Variants in IL20RA observed in about 807,000 individuals in gnomAD.
IL20RA encodes the protein interleukin-20 receptor subunit alpha.
IL20RA carries 29 observed loss-of-function variants against 36.5 expected under a neutral mutation model. The observed-to-expected ratio is 0.79, with a 90% CI of 0.59 to 1.08. IL20RA has a LOEUF of 1.08. Among genes scored for constraint, IL20RA ranks in the 50% least tolerant of loss-of-function variants. The probability of loss-of-function intolerance (pLI) is 0.00; values close to 1 mark genes in which losing one functional copy is unlikely to be tolerated. For synonymous variants in IL20RA, 279 were observed against 267.1 expected (o/e 1.04, Z -0.43); for missense variants, 652 against 668.4 (o/e 0.98, Z 0.27).
At chr6:137,040,150 A>G (rs1284424214) in intron 1 of IL20RA, among the ~76,000 whole-genome samples, 1 of 152,194 alleles carries the variant, frequency 6.6e-6, no homozygotes, top group African/African-American at 2.4e-5. Context: ...AGATAATGAC[A>G]TCTGGGTTTC....
intron 1 of IL20RA, among the ~76,000 whole-genome samples, chr6:137,024,887 A>T (rs926708893): frequency 1.3e-5 from 2 of 152,212 alleles, no homozygotes; most frequent in Non-Finnish European, 2.9e-5. Flanking sequence ...GAGGAAGCAG[A>T]ACTCAGAAGA....
intron 1 of IL20RA, chr6:137,042,786 T>C (rs1173596882): frequency 1.3e-5 from 2 of 152,154 alleles, no homozygotes; most frequent in East Asian, 3.9e-4. Context: ...TTAATCTACC[T>C]GAGAGTGGCA....
At position 137,001,603 on chromosome 6, in the gene IL20RA, C is replaced by G; in HGVS notation, c.1617G>C (p.Met539Ile). Residue 539 changes from methionine (M) to isoleucine (I), a missense_variant, in exon 7 of 7, where the codon ATG becomes ATC. Met to Ile is a conservative substitution (Grantham distance 10). Transcript: ENST00000316649. ...RPPGENETYL[M>I]QFMEEWGLYV... ...ATAACCCCCATTCCTCCATGAATTG[C>G]ATGAGATAGGTTTCATTTTCTCCTG... 1 of 1,603,372 alleles carries G rather than the reference C, an allele frequency of 6.2e-7. No homozygotes were observed. Among genetic ancestry groups the G allele is most frequent in the Non-Finnish European group, 8.5e-7 (1 of 1,174,986 alleles).
intron 4 of IL20RA, chr6:137,008,994 C>T: frequency 4.0e-6 from 2 of 499,426 alleles, no homozygotes; most frequent in Admixed American, 3.7e-5. Context: ...AGTTCTTATT[C>T]ATTGTCCTGG....
At chr6:137,037,508 G>A (rs778524782) in intron 1 of IL20RA, among the ~76,000 whole-genome samples, 38 of 152,256 alleles carry the variant, frequency 2.5e-4, no homozygotes, top group African/African-American at 9.1e-4. Context: ...GAAATTCTGA[G>A]TTTGAATGAG....
intron 1 of IL20RA, among the ~76,000 whole-genome samples, chr6:137,023,532 G>A (rs1024758836): frequency 1.3e-5 from 2 of 152,202 alleles, no homozygotes; most frequent in African/African-American, 4.8e-5. Context: ...AGAAAAGACT[G>A]TATAGACCAA....
intron 1 of IL20RA, among the ~76,000 whole-genome samples, chr6:137,020,468 T>A (rs1267373330): frequency 1.4e-5 from 2 of 144,942 alleles, no homozygotes; most frequent in African/African-American, 2.5e-5. Context: ...ACTGAAAGCA[T>A]CTAAGACAGA....
At chr6:137,027,343 A>G (rs1386163811) in intron 1 of IL20RA, among the ~76,000 whole-genome samples, 1 of 152,106 alleles carries the variant, frequency 6.6e-6, no homozygotes, top group African/African-American at 2.4e-5. Flanking sequence ...CCTCACTATT[A>G]TTTCTCTGAC....
At chr6:137,011,660 C>T (rs965167362) in intron 2 of IL20RA, among the ~76,000 whole-genome samples, 1 of 152,154 alleles carries the variant, frequency 6.6e-6, no homozygotes, top group Non-Finnish European at 1.5e-5. Flanking sequence ...TTTCTGTAAT[C>T]ACCTTTCTTT....
At chr6:137,009,754 T>C (rs771951) in intron 3 of IL20RA, among the ~76,000 whole-genome samples, 138,150 of 151,772 alleles carry the variant, frequency 0.91, 64,152 homozygotes, top group East Asian at 1. Flanking sequence ...TACAGGTGCC[T>C]GCCAACACAC....
At chr6:137,034,228 A>G (rs550805429) in intron 1 of IL20RA, among the ~76,000 whole-genome samples, 61 of 152,206 alleles carry the variant, frequency 4.0e-4, no homozygotes, top group African/African-American at 1.4e-3. Context: ...GGATTTTGCT[A>G]TTATTGGATT....
chr6:137,002,222 C>CT lies in IL20RA; in HGVS notation c.997dup (p.Ser333LysfsTer3), dbSNP rs1775096004. Reference sequence around the variant, plus strand: ...ATCATTAAGGCTGGATACATCACTGCTTTTTCCCAGTAAACTCATATCCTG... The same window carrying CT: ...ATCATTAAGGCTGGATACATCACTGCTTTTTTCCCAGTAAACTCATATCCTG... On this transcript the variant is annotated frameshift_variant, in exon 7 of 7. Transcript: ENST00000316649. LOFTEE classifies it low-confidence loss of function (END_TRUNC). 17 of 1,614,102 alleles carry CT rather than the reference C, an allele frequency of 1.1e-5. No individual in the cohort carries two copies. Among genetic ancestry groups the CT allele is most frequent in the Non-Finnish European group, 1.3e-5 (15 of 1,179,994 alleles).
At chr6:137,019,901 T>G (rs544476466) in intron 1 of IL20RA, among the ~76,000 whole-genome samples, 1 of 152,366 alleles carries the variant, frequency 6.6e-6, no homozygotes, top group East Asian at 1.9e-4. Context: ...AAATCTTATC[T>G]ATCACCATGA....
chr6:137,044,323 G>T, intron 1 of IL20RA: 1 of 1,047,178 alleles, frequency 9.5e-7, no homozygotes, highest in Non-Finnish European at 1.1e-6. Context: ...GCAAGTCATA[G>T]GCTGTGGGCA....
At chr6:137,033,288 T>C (rs1048208128) in intron 1 of IL20RA, among the ~76,000 whole-genome samples, 1 of 152,208 alleles carries the variant, frequency 6.6e-6, no homozygotes, top group Non-Finnish European at 1.5e-5. Context: ...ATCCTCTTCT[T>C]ACAAGGACAC....
At chr6:137,035,016 A>T (rs1000894904) in intron 1 of IL20RA, among the ~76,000 whole-genome samples, 5 of 151,634 alleles carry the variant, frequency 3.3e-5, no homozygotes, top group Admixed American at 1.3e-4. Context: ...TTTGCTGAGG[A>T]TAATGGCCTC....
intron 1 of IL20RA, among the ~76,000 whole-genome samples, chr6:137,034,358 CT>C (rs1231772277): frequency 3.9e-5 from 6 of 152,006 alleles, no homozygotes; most frequent in Admixed American, 3.9e-4. Context: ...TATTTGTTTG[CT>C]AATATTTAAA....
At chr6:137,008,929 G>T (rs898314284) in intron 4 of IL20RA, 186 bp from the exon 5 acceptor site, 2 of 421,992 alleles carry the variant, frequency 4.7e-6, no homozygotes, top group Non-Finnish European at 8.1e-6. Flanking sequence ...GCTCAGCAGA[G>T]CATGGTCAGG....
rs201040616 is a variant in IL20RA, at chr6:137,002,081, G to A, written c.1139C>T (p.Thr380Ile). The A allele has an allele frequency of 2.5e-6, 4 of 1,614,058 alleles. No homozygotes were observed. Among genetic ancestry groups the A allele is most frequent in the Non-Finnish European group, 3.4e-6 (4 of 1,180,048 alleles). The change falls in exon 7 of 7, where the codon ACT (threonine) becomes ATT (isoleucine). Residue 380 changes from threonine to isoleucine, a missense_variant. By Grantham distance (89) the Thr-to-Ile change is moderately conservative. Transcript: ENST00000316649. ...GAGGGACTCTTGCTGGGTGAGAGAA[G>A]TACCTTCCGTGTTTTCTTCAGAGTC... is the stretch of plus-strand genomic sequence containing the variant. ...FCDSEENTEG[T>I]SLTQQESLSR...
Sources: allele counts gnomAD v4.1 joint callset (sites outside exome capture counted in the v4.1 genomes callset), GRCh38; gene constraint gnomAD v4.1.1; transcripts MANE v1.5; gene names NCBI Gene and HGNC (gene_info 2026-07-23, HGNC 2026-07-21).